MARCHF11: variants seen among roughly 807,000 people sequenced by gnomAD.
MARCHF11 encodes the protein E3 ubiquitin-protein ligase MARCHF11.
MARCHF11 carries 29 observed loss-of-function variants against 37.3 expected under a neutral mutation model. That is an observed-to-expected ratio of 0.78 (90% CI 0.58 to 1.06). The LOEUF (loss-of-function observed/expected upper bound fraction) is 1.06. MARCHF11 is among the 50% of genes least tolerant of loss of function. The pLI, the probability that MARCHF11 is intolerant of heterozygous loss-of-function variation, is 0.00. For synonymous variants in MARCHF11, 233 were observed against 228.0 expected (o/e 1.02, Z -0.20); for missense variants, 482 against 533.4 (o/e 0.90, Z 0.95).
At chr5:16,178,330 G>T (rs555977438) in intron 1 of MARCHF11, among the ~76,000 whole-genome samples, 38 of 152,274 alleles carry the variant, frequency 2.5e-4, no homozygotes, top group African/African-American at 8.4e-4. Context: ...CTGAAAGCCT[G>T]TATATTCTTA....
intron 2 of MARCHF11, among the ~76,000 whole-genome samples, chr5:16,152,470 T>C (rs190968052): frequency 8.5e-5 from 13 of 152,136 alleles, no homozygotes; most frequent in Admixed American, 7.2e-4. Context: ...TTTGTCAGGA[T>C]CCAGTCTGAT....
At position 16,177,759 on chromosome 5, in the gene MARCHF11, A is replaced by T; in HGVS notation, c.660T>A (p.His220Gln). The T allele has an allele frequency of 6.2e-7, 1 of 1,612,254 alleles. No individual in the cohort carries two copies. The highest frequency in any genetic ancestry group is 8.5e-7 in the Non-Finnish European group (1 of 1,179,352). The change falls in exon 2 of 4, where the codon CAT becomes CAA. Residue 220 changes from histidine to glutamine, a missense_variant. Physicochemically the swap from His to Gln is conservative, Grantham distance 24. Coordinates refer to ENST00000332432, the MANE Select transcript of MARCHF11 (RefSeq NM_001102562.3). ...WTCELCCYRY[H>Q]VIAIKMKQPC... is the part of the protein sequence containing the mutation. Reference sequence around the variant, plus strand: ...GTTGTTTCATTTTAATGGCTATAACATGGTATCTATAACAGCAAAGTTCAC... The same window carrying T: ...GTTGTTTCATTTTAATGGCTATAACTTGGTATCTATAACAGCAAAGTTCAC...
At position 16,089,894 on chromosome 5, in the gene MARCHF11, G is replaced by A. The variant is rs76333383; in HGVS notation, c.886+995C>T. 8.8e-3 allele frequency among the ~76,000 whole-genome samples: 1,347 copies of A among 152,290 alleles called. 16 individuals carry two copies. Among genetic ancestry groups the A allele is most frequent in the African/African-American group, 0.031 (1,273 of 41,550 alleles). On this transcript the variant is annotated intron_variant, in intron 3 of 3. Transcript: ENST00000332432. Reference sequence around the variant, plus strand: ...AGGTGAGAAAACAGAAGTATGGAGGGATGAAGGTGACCTGCCCTGGCAGAG... The same window carrying A: ...AGGTGAGAAAACAGAAGTATGGAGGAATGAAGGTGACCTGCCCTGGCAGAG...
rs141516233 is a variant in MARCHF11, at chr5:16,086,959, C to T, written c.886+3930G>A. Among the ~76,000 whole-genome samples, 365 of 152,304 alleles carry T rather than the reference C, an allele frequency of 2.4e-3. 2 individuals carry two copies. The highest frequency in any genetic ancestry group is 4.4e-3 in the Non-Finnish European group (301 of 68,032). On this transcript the variant is annotated intron_variant, in intron 3 of 3. Coordinates refer to ENST00000332432, the MANE Select transcript of MARCHF11 (RefSeq NM_001102562.3). ...CTTCATTTCTGAGTTTGCTCATCTT[C>T]CTTTGTCCACTGTGCAAATCTTTTT... is the stretch of plus-strand genomic sequence containing the variant.
chr5:16,104,454 G>A (rs1047740434), intron 2 of MARCHF11, among the ~76,000 whole-genome samples: 1 of 152,000 alleles, frequency 6.6e-6, no homozygotes, highest in African/African-American at 2.4e-5. Context: ...TTAAAATGGG[G>A]GAATTTTATA....
intron 2 of MARCHF11, among the ~76,000 whole-genome samples, chr5:16,169,544 C>G (rs754676089): frequency 6.6e-6 from 1 of 152,196 alleles, no homozygotes; most frequent in African/African-American, 2.4e-5. Flanking sequence ...AATAAGTTCC[C>G]TTATTGACTT....
At chr5:16,132,029 G>T (rs905596752) in intron 2 of MARCHF11, among the ~76,000 whole-genome samples, 1 of 152,236 alleles carries the variant, frequency 6.6e-6, no homozygotes, top group South Asian at 2.1e-4. Flanking sequence ...CTGGCTACGG[G>T]GGATTCATTT....
rs192429100 is a variant in MARCHF11 at position 16,098,426 on chromosome 5, A to G, written c.694-7345T>C. Among the ~76,000 whole-genome samples, 14 of 152,340 alleles carry G rather than the reference A, an allele frequency of 9.2e-5. No homozygotes were observed. In the East Asian group the frequency reaches 2.7e-3, roughly 29 times the overall value. ...TGCGTAGAAATCCCAGGGAATTTAC[A>G]AGAAAACCTGTTAGAATTAGTAAAT... On this transcript the variant is annotated intron_variant, in intron 2 of 3. Transcript: ENST00000332432.
At chr5:16,136,592 A>G (rs1014692034) in intron 2 of MARCHF11, among the ~76,000 whole-genome samples, 13 of 152,218 alleles carry the variant, frequency 8.5e-5, no homozygotes, top group African/African-American at 3.1e-4. Context: ...TAGAATAGAA[A>G]TGGGCTATGC....
chr5:16,144,231 A>G (rs1737765445), intron 2 of MARCHF11, among the ~76,000 whole-genome samples: 1 of 152,228 alleles, frequency 6.6e-6, no homozygotes, highest in South Asian at 2.1e-4. Context: ...AGAAACTCAG[A>G]ATGAATGCTG....
intron 2 of MARCHF11, among the ~76,000 whole-genome samples, chr5:16,154,673 C>T (rs935599395): frequency 1.3e-5 from 2 of 151,760 alleles, no homozygotes; most frequent in Non-Finnish European, 2.9e-5. Flanking sequence ...TCAATCAAAA[C>T]CAGGCAAATA....
At chr5:16,128,390 A>AGGC (rs762548611) in intron 2 of MARCHF11, among the ~76,000 whole-genome samples, 6 of 152,164 alleles carry the variant, frequency 3.9e-5, no homozygotes, top group Non-Finnish European at 8.8e-5. Context: ...GTTCAAATGC[A>AGGC]GGCACAAAAA....
At chr5:16,073,309 A>G (rs1159986593) in intron 3 of MARCHF11, among the ~76,000 whole-genome samples, 2 of 152,160 alleles carry the variant, frequency 1.3e-5, no homozygotes, top group Non-Finnish European at 2.9e-5. Context: ...TGTTGTGATG[A>G]TCTTTGCTAG....
At chr5:16,094,530 T>C (rs923606541) in intron 2 of MARCHF11, among the ~76,000 whole-genome samples, 2 of 152,128 alleles carry the variant, frequency 1.3e-5, no homozygotes, top group Non-Finnish European at 2.9e-5. Flanking sequence ...TGTGTGTGTG[T>C]GTGCGCATGT....
At chr5:16,159,935 A>G (rs1210847384) in intron 2 of MARCHF11, among the ~76,000 whole-genome samples, 4 of 151,998 alleles carry the variant, frequency 2.6e-5, no homozygotes, top group Non-Finnish European at 4.4e-5. Flanking sequence ...TATAGTTCAT[A>G]AGTTTTACAT....
chr5:16,121,514 G>C (rs1737309123), intron 2 of MARCHF11, among the ~76,000 whole-genome samples: 1 of 152,184 alleles, frequency 6.6e-6, no homozygotes, highest in South Asian at 2.1e-4. Context: ...CTACTATAGA[G>C]AGATTTAAAA....
intron 2 of MARCHF11, among the ~76,000 whole-genome samples, chr5:16,137,607 T>A (rs1737629191): frequency 6.6e-6 from 1 of 152,194 alleles, no homozygotes; most frequent in South Asian, 2.1e-4. Context: ...TGGAACTGGG[T>A]AACAGGCAGA....
intron 2 of MARCHF11, among the ~76,000 whole-genome samples, chr5:16,123,201 T>C (rs1737341365): frequency 6.6e-6 from 1 of 152,216 alleles, no homozygotes; most frequent in Non-Finnish European, 1.5e-5. Flanking sequence ...CCCGGTACTT[T>C]ACAATGTGGC....
chr5:16,094,265 G>A (rs1009236766), intron 2 of MARCHF11, among the ~76,000 whole-genome samples: 6 of 152,166 alleles, frequency 3.9e-5, no homozygotes, highest in Admixed American at 1.3e-4. Flanking sequence ...CAGTGTCCTT[G>A]TCCTTGGAGG....
Sources: allele counts gnomAD v4.1 joint callset (sites outside exome capture counted in the v4.1 genomes callset), GRCh38; gene constraint gnomAD v4.1.1; transcripts MANE v1.5; gene names NCBI Gene and HGNC (gene_info 2026-07-23, HGNC 2026-07-21).